The following SORCS2 variants were observed in gnomAD, a reference collection of about 807,000 sequenced individuals.
SORCS2 encodes VPS10 domain-containing receptor SorCS2.
A neutral mutation model predicts 141.6 loss-of-function variants in SORCS2; 100 were observed. That is an observed-to-expected ratio of 0.71 (90% CI 0.60 to 0.83). The LOEUF (loss-of-function observed/expected upper bound fraction) is 0.83, where lower values mean the gene tolerates loss of function less well. Ranked by LOEUF, SORCS2 falls within the 40% of genes least tolerant of loss-of-function variation. SORCS2 has a pLI of 0.00. For synonymous variants in SORCS2, 789 were observed against 676.9 expected (o/e 1.17, Z -2.57); for missense variants, 1,646 against 1,560.2 (o/e 1.05, Z -0.93).
chr4:7,563,611 G>A (rs1714756561), intron 3 of SORCS2, among the ~76,000 whole-genome samples: 2 of 152,176 alleles, frequency 1.3e-5, no homozygotes, highest in Admixed American at 6.5e-5. Flanking sequence ...CTGGGAGCAC[G>A]TTCCTTGACA....
In SORCS2 at chr4:7,688,402, T is replaced by C. The variant is rs577456819; in HGVS notation, c.1489-1084T>C. Among the ~76,000 whole-genome samples the C allele has an allele frequency of 2.0e-5, 3 of 152,320 alleles. No homozygotes were observed. In the East Asian group the frequency reaches 5.8e-4, roughly 29 times the overall value. On this transcript the variant is annotated intron_variant, in intron 10 of 26. Transcript: ENST00000507866. ...CTAGCGTACTTCTAAGCTGGAGATT[T>C]TTAACAGAAAAAAGTAATTTTAAGG...
chr4:7,424,692 C>T (rs535810997), intron 2 of SORCS2, among the ~76,000 whole-genome samples: 12 of 152,308 alleles, frequency 7.9e-5, no homozygotes, highest in African/African-American at 2.4e-4. Context: ...GTCCCTGTGC[C>T]GGGGCTCTCA....
intron 2 of SORCS2, among the ~76,000 whole-genome samples, chr4:7,441,620 CCT>C (rs1727670879): frequency 6.6e-6 from 1 of 151,720 alleles, no homozygotes; most frequent in Admixed American, 6.6e-5. Flanking sequence ...ATCATCCACC[CCT>C]TCCTCCAGCC....
chr4:7,738,204 A>G (rs940606136), intron 26 of SORCS2, among the ~76,000 whole-genome samples: 5 of 152,240 alleles, frequency 3.3e-5, no homozygotes, highest in Non-Finnish European at 5.9e-5. Context: ...ACTGAGGCCC[A>G]GGAGGCTCTG....
At chr4:7,441,331 C>A (rs1727650492) in intron 2 of SORCS2, among the ~76,000 whole-genome samples, 1 of 152,126 alleles carries the variant, frequency 6.6e-6, no homozygotes, top group African/African-American at 2.4e-5. Context: ...TCCAGGTGAG[C>A]AGCAGTTGTG....
chr4:7,221,341 G>A (rs1577292008), intron 1 of SORCS2, among the ~76,000 whole-genome samples: 1 of 152,350 alleles, frequency 6.6e-6, no homozygotes, highest in South Asian at 2.1e-4. Context: ...GGTGGACCCA[G>A]TGTCTGTAGT....
chr4:7,551,732 G>A (rs1249897998), intron 3 of SORCS2, among the ~76,000 whole-genome samples: 1 of 152,178 alleles, frequency 6.6e-6, no homozygotes, highest in Non-Finnish European at 1.5e-5. Flanking sequence ...TCTCCATTCA[G>A]CATCGAACTC....
At chr4:7,245,128 C>A (rs139259607) in intron 1 of SORCS2, among the ~76,000 whole-genome samples, 1 of 152,154 alleles carries the variant, frequency 6.6e-6, no homozygotes, top group African/African-American at 2.4e-5. Context: ...GAGGCTGGGC[C>A]GCTTCTTCCC....
At chr4:7,604,348 C>T (rs112323387) in intron 3 of SORCS2, among the ~76,000 whole-genome samples, 3,668 of 152,314 alleles carry the variant, frequency 0.024, 64 homozygotes, top group Non-Finnish European at 0.034. Context: ...GACGGAGTCT[C>T]GCTCTGTCGC....
At chr4:7,480,693 G>A (rs1013219348) in intron 2 of SORCS2, among the ~76,000 whole-genome samples, 3 of 152,224 alleles carry the variant, frequency 2.0e-5, no homozygotes, top group Admixed American at 6.5e-5. Flanking sequence ...GTGATATTGC[G>A]GTGGTTGTGA....
rs183424717 is a variant in SORCS2 at position 7,641,721 on chromosome 4, G to A, written c.813+3229G>A. Among the ~76,000 whole-genome samples, 4 of 152,210 alleles carry A rather than the reference G, an allele frequency of 2.6e-5. No individual in the cohort carries two copies. The East Asian group carries it at 5.8e-4, about 22-fold the overall frequency. On this transcript the variant is annotated intron_variant, in intron 4 of 26. Transcript: ENST00000507866. ...GGTGGGTGGGTGGATGGGTGAGGAG[G>A]GATGGACAGATGAATAAATGGATGA...
chr4:7,333,240 C>T (rs938936625), intron 1 of SORCS2, among the ~76,000 whole-genome samples: 3 of 152,224 alleles, frequency 2.0e-5, no homozygotes, highest in East Asian at 3.8e-4. Flanking sequence ...GTGCCCACAC[C>T]TGCCTCTTGC....
rs559320473 is a variant in SORCS2, at chr4:7,729,523, G to A, written c.2983-64G>A. The A allele has an allele frequency of 9.8e-6, 15 of 1,529,394 alleles. No homozygotes were observed. In the East Asian group the frequency reaches 2.9e-4, roughly 30 times the overall value. 94.7% of individuals were successfully genotyped at this position (1,529,394 alleles called of 1,614,324 possible). ...GAAGGGAGAGAGGGTGTTCCTGGGGGCCCCAGTATGAGGCAGGGAATGAGG... is the reference window on the plus strand; with the variant it reads ...GAAGGGAGAGAGGGTGTTCCTGGGGACCCCAGTATGAGGCAGGGAATGAGG... On this transcript the variant is annotated intron_variant, in intron 22 of 26. Coordinates refer to ENST00000507866, the MANE Select transcript of SORCS2 (RefSeq NM_020777.3).
chr4:7,319,535 T>A (rs1484633142), intron 1 of SORCS2, among the ~76,000 whole-genome samples: 1 of 151,904 alleles, frequency 6.6e-6, no homozygotes, highest in Non-Finnish European at 1.5e-5. Context: ...TGAGATCCTA[T>A]CTCTACATTA....
At chr4:7,486,553 G>A (rs1007150721) in intron 2 of SORCS2, among the ~76,000 whole-genome samples, 1 of 152,222 alleles carries the variant, frequency 6.6e-6, no homozygotes, top group African/African-American at 2.4e-5. Context: ...CGCTGATAAT[G>A]TGGAGCCTGC....
At chr4:7,344,390 G>C (rs1000429076) in intron 1 of SORCS2, among the ~76,000 whole-genome samples, 5 of 152,208 alleles carry the variant, frequency 3.3e-5, no homozygotes, top group Admixed American at 3.3e-4. Context: ...GCCCTGCCTA[G>C]CACTCAGGCC....
Position 7,455,841 on chromosome 4 carries a change from G to A in SORCS2, c.548+59486G>A, listed in dbSNP as rs115555402. On this transcript the variant is annotated intron_variant, in intron 2 of 26. Coordinates refer to ENST00000507866, the MANE Select transcript of SORCS2 (RefSeq NM_020777.3). ...CTGTGTTGGGGTCATGCTCTGTACT[G>A]GGTTCAGATTCTGTGTTAGCGTCAC... Among the ~76,000 whole-genome samples the A allele has an allele frequency of 4.2e-3, 633 of 152,316 alleles. 3 individuals are homozygous for A. The highest frequency in any genetic ancestry group is 0.014 in the African/African-American group (591 of 41,564).
chr4:7,581,463 A>G (rs1423459214), intron 3 of SORCS2, among the ~76,000 whole-genome samples: 1 of 152,030 alleles, frequency 6.6e-6, no homozygotes, highest in Non-Finnish European at 1.5e-5. Context: ...ATCACAGACC[A>G]CAGTAGACCC....
chr4:7,370,999 A>C (rs535468253), intron 1 of SORCS2, among the ~76,000 whole-genome samples: 1 of 152,280 alleles, frequency 6.6e-6, no homozygotes, highest in African/African-American at 2.4e-5. Context: ...TGGGCCCCAC[A>C]GCACGGGGTA....
Sources: allele counts gnomAD v4.1 joint callset (sites outside exome capture counted in the v4.1 genomes callset), GRCh38; gene constraint gnomAD v4.1.1; transcripts MANE v1.5; gene names NCBI Gene and HGNC (gene_info 2026-07-23, HGNC 2026-07-21).